The following PCED1B variants were observed in gnomAD, a reference collection of about 807,000 sequenced individuals.
PCED1B encodes the protein PC-esterase domain-containing protein 1B.
For synonymous variants in PCED1B, 251 were observed against 246.1 expected (o/e 1.02, Z -0.19); for missense variants, 573 against 573.9 (o/e 1.00, Z 0.02).
rs1309243417 is a variant in PCED1B, at chr12:47,235,111, G to T, written c.48G>T (p.Lys16Asn). Residue 16 changes from lysine to asparagine, a missense_variant, in exon 4 of 4, where the codon AAG becomes AAT. Lys to Asn is a moderately conservative substitution (Grantham distance 94). Coordinates refer to ENST00000546455, the MANE Select transcript of PCED1B (RefSeq NM_138371.3). ...AAGTGCGGCAGCTGCTTCACAATAA[G>T]TTCGTGGTCATCCTGGGGGACTCTG... is the stretch of plus-strand genomic sequence containing the variant. ...ASEVRQLLHN[K>N]FVVILGDSVH... is the part of the protein sequence containing the mutation. 6.5e-7 allele frequency: 1 copy of T among 1,532,598 alleles called. No homozygotes were observed. The highest frequency in any genetic ancestry group is 2.1e-5 in the Admixed American group (1 of 47,292). 94.9% of individuals were successfully genotyped at this position (1,532,598 alleles called of 1,614,324 possible).
intron 1 of PCED1B, among the ~76,000 whole-genome samples, chr12:47,085,340 G>C (rs1937929130): frequency 6.6e-6 from 1 of 152,178 alleles, no homozygotes; most frequent in African/African-American, 2.4e-5. Context: ...GCACTGCCCT[G>C]GGCAGACACA....
At chr12:47,188,165 T>C (rs1942332744) in intron 2 of PCED1B, among the ~76,000 whole-genome samples, 1 of 152,200 alleles carries the variant, frequency 6.6e-6, no homozygotes, top group East Asian at 1.9e-4. Flanking sequence ...CTAAGGACTT[T>C]GGGGACAGTG....
intron 2 of PCED1B, among the ~76,000 whole-genome samples, chr12:47,186,755 G>T (rs1247148221): frequency 6.6e-6 from 1 of 152,134 alleles, no homozygotes; most frequent in Non-Finnish European, 1.5e-5. Context: ...CTTCAGAATT[G>T]TGAGATACTA....
intron 2 of PCED1B, among the ~76,000 whole-genome samples, chr12:47,169,353 C>G (rs1465640814): frequency 6.6e-6 from 1 of 152,100 alleles, no homozygotes; most frequent in Non-Finnish European, 1.5e-5. Flanking sequence ...AGGAAGGTAC[C>G]TCTCATGTGA....
chr12:47,192,913 A>C (rs2137665679), intron 2 of PCED1B, among the ~76,000 whole-genome samples: 1 of 152,312 alleles, frequency 6.6e-6, no homozygotes. Flanking sequence ...GAAACTATTC[A>C]TTCAAGCCTA....
At chr12:47,165,865 A>C (rs1317956266) in intron 2 of PCED1B, among the ~76,000 whole-genome samples, 1 of 152,214 alleles carries the variant, frequency 6.6e-6, no homozygotes, top group African/African-American at 2.4e-5. Flanking sequence ...ACTTTATATT[A>C]GTAGGTGAAA....
intron 2 of PCED1B, among the ~76,000 whole-genome samples, chr12:47,198,868 A>C (rs935638331): frequency 1.3e-5 from 2 of 152,110 alleles, no homozygotes; most frequent in African/African-American, 4.8e-5. Context: ...TGGGAGACTG[A>C]GACAGGATAA....
At chr12:47,120,115 G>A (rs1939613783) in intron 2 of PCED1B, among the ~76,000 whole-genome samples, 1 of 152,148 alleles carries the variant, frequency 6.6e-6, no homozygotes, top group African/African-American at 2.4e-5. Flanking sequence ...TCAGAGAAAT[G>A]CAAATGAAAG....
At position 47,235,069 on chromosome 12, in the gene PCED1B, C is replaced by G. The variant is rs1022815922; in HGVS notation, c.6C>G (p.Ile2Met). Residue 2 changes from isoleucine to methionine, a missense_variant, in exon 4 of 4, where the codon ATC becomes ATG. Physicochemically the swap from Ile to Met is conservative, Grantham distance 10. Transcript: ENST00000546455. Reference sequence around the variant, plus strand: ...GGCTGTGCGCCCTGGGCGTCATGATCCTTCTGCGGGCCTCCGAAGTGCGGC... The same window carrying G: ...GGCTGTGCGCCCTGGGCGTCATGATGCTTCTGCGGGCCTCCGAAGTGCGGC... M[I>M]LLRASEVRQL... 3 of 1,524,622 alleles carry G rather than the reference C, an allele frequency of 2.0e-6. No homozygotes were observed. Among genetic ancestry groups the G allele is most frequent in the Non-Finnish European group, 2.6e-6 (3 of 1,138,304 alleles). 94.4% of individuals were successfully genotyped at this position (1,524,622 alleles called of 1,614,324 possible). A position where few individuals can be genotyped will look rare whatever the true frequency, so the allele number is the denominator to read the frequency against.
intron 1 of PCED1B, among the ~76,000 whole-genome samples, chr12:47,101,745 G>A (rs1267445336): frequency 6.6e-6 from 1 of 152,080 alleles, no homozygotes; most frequent in South Asian, 2.1e-4. Context: ...TTGGGAGCTC[G>A]AGGCCAGCCT....
chr12:47,131,620 T>G (rs1270082592), intron 2 of PCED1B, among the ~76,000 whole-genome samples: 1 of 151,664 alleles, frequency 6.6e-6, no homozygotes, highest in Non-Finnish European at 1.5e-5. Flanking sequence ...ATGGATCATT[T>G]CCAGTTTTAT....
intron 1 of PCED1B, among the ~76,000 whole-genome samples, chr12:47,084,972 C>T (rs539665900): frequency 3.3e-5 from 5 of 152,240 alleles, no homozygotes; most frequent in Admixed American, 2.0e-4. Context: ...GGCAAATCCC[C>T]GTCTCTACTA....
At chr12:47,178,258 TG>T (rs1305502257) in intron 2 of PCED1B, among the ~76,000 whole-genome samples, 1 of 152,184 alleles carries the variant, frequency 6.6e-6, no homozygotes, top group Non-Finnish European at 1.5e-5. Context: ...AGGGATTAGA[TG>T]GCAGACAGGC....
chr12:47,185,291 AAAAAACAGAGACAG>A (rs754155267), intron 2 of PCED1B, among the ~76,000 whole-genome samples: 5 of 152,068 alleles, frequency 3.3e-5, no homozygotes, highest in African/African-American at 4.8e-5. Flanking sequence ...TTACAAAAAG[AAAAAACAGAGACAG>A]ACACAAGAAG....
chr12:47,200,744 C>T (rs1159595782), intron 2 of PCED1B, among the ~76,000 whole-genome samples: 1 of 152,168 alleles, frequency 6.6e-6, no homozygotes, highest in Non-Finnish European at 1.5e-5. Context: ...GTGCAGTGTG[C>T]CTACAGAATT....
At chr12:47,119,860 G>A (rs1939598719) in intron 2 of PCED1B, among the ~76,000 whole-genome samples, 1 of 151,812 alleles carries the variant, frequency 6.6e-6, no homozygotes. Flanking sequence ...AGCTACTTGG[G>A]GGAGGCTGAG....
intron 2 of PCED1B, among the ~76,000 whole-genome samples, chr12:47,105,206 A>G (rs1938892297): frequency 6.6e-6 from 1 of 152,082 alleles, no homozygotes; most frequent in African/African-American, 2.4e-5. Context: ...CTGAGTTTGG[A>G]AAGATGACTG....
intron 3 of PCED1B, among the ~76,000 whole-genome samples, chr12:47,219,458 C>T (rs912071563): frequency 2.6e-5 from 4 of 152,214 alleles, no homozygotes; most frequent in African/African-American, 9.6e-5. Flanking sequence ...ACAATCCAAC[C>T]TGTTCATCAG....
At chr12:47,175,743 T>A (rs1011828819) in intron 2 of PCED1B, among the ~76,000 whole-genome samples, 1 of 151,686 alleles carries the variant, frequency 6.6e-6, no homozygotes, top group Non-Finnish European at 1.5e-5. Flanking sequence ...CCAGCTAATT[T>A]TGTATATTAG....
Sources: gnomAD v4.1 joint callset for allele counts (sites outside exome capture counted in the v4.1 genomes callset) on GRCh38, gnomAD v4.1.1 for gene constraint, MANE v1.5 for transcripts, NCBI Gene and HGNC (gene_info 2026-07-23, HGNC 2026-07-21) for gene names.